The following GLIS1 variants were observed in gnomAD, a reference collection of about 807,000 sequenced individuals.
The protein encoded by GLIS1 is GLIS family zinc finger 1, also known as zinc finger protein GLIS1.
Under a neutral mutation model 63.8 loss-of-function variants are expected in GLIS1, and 24 were observed. That is an observed-to-expected ratio of 0.38 (90% CI 0.27 to 0.53). The LOEUF is 0.53. Among genes scored for constraint, GLIS1 ranks in the 20% least tolerant of loss-of-function variants. The pLI is 0.85. For missense variants in GLIS1, 1,036 were observed against 1,074.1 expected (o/e 0.96, Z 0.50); for synonymous variants, 450 against 482.5 (o/e 0.93, Z 0.88).
rs537609978 is a variant in GLIS1, at chr1:53,612,353, C to T, written c.260-12075G>A. Reference sequence around the variant, plus strand: ...CTCCCGGGTTCACACCATCCTCCTGCCTCAGCCTCCTAAGTAGCTGGGACT... The same window carrying T: ...CTCCCGGGTTCACACCATCCTCCTGTCTCAGCCTCCTAAGTAGCTGGGACT... On this transcript the variant is annotated intron_variant, in intron 2 of 10. Coordinates refer to ENST00000628545, the MANE Select transcript of GLIS1 (RefSeq NM_001367484.1). Among the ~76,000 whole-genome samples the T allele has an allele frequency of 6.5e-4, 99 of 152,176 alleles. 1 individual carries two copies. Among genetic ancestry groups the T allele is most frequent in the Admixed American group, 1.4e-3 (22 of 15,292 alleles).
At chr1:53,660,921 C>G (rs1216118580) in intron 2 of GLIS1, among the ~76,000 whole-genome samples, 1 of 152,132 alleles carries the variant, frequency 6.6e-6, no homozygotes, top group East Asian at 1.9e-4. Flanking sequence ...GCAGCCAAGA[C>G]AGGATTCACC....
chr1:53,590,158 C>T (rs1485118046), intron 4 of GLIS1, among the ~76,000 whole-genome samples: 1 of 152,244 alleles, frequency 6.6e-6, no homozygotes, highest in Non-Finnish European at 1.5e-5. Flanking sequence ...CCCTCCCTTA[C>T]ATCATCTCTT....
chr1:53,575,134 A>C (rs1411260195), intron 4 of GLIS1, among the ~76,000 whole-genome samples: 4 of 152,092 alleles, frequency 2.6e-5, no homozygotes, highest in African/African-American at 9.6e-5. Flanking sequence ...TTCTTGGAAA[A>C]ATTTCTAGAA....
chr1:53,519,142 G>C (rs1248160797), intron 7 of GLIS1, among the ~76,000 whole-genome samples: 1 of 152,182 alleles, frequency 6.6e-6, no homozygotes, highest in Non-Finnish European at 1.5e-5. Flanking sequence ...CTTCGTCCCT[G>C]GGTTGGATGA....
Position 53,539,048 on chromosome 1 carries a change from T to C in GLIS1, c.1321-9096A>G, listed in dbSNP as rs373754518. On this transcript the variant is annotated intron_variant, in intron 4 of 10. Coordinates refer to ENST00000628545, the MANE Select transcript of GLIS1 (RefSeq NM_001367484.1). This position sits in a 1 kb window ranked among gnomAD's most constrained non-coding sequence, Gnocchi z 5.0. The stretch of plus-strand genomic sequence containing the variant: ...AGCTGTGGCTAGACATCGTCTGGAA[T>C]GAGGAAAGAGGCTCTGCCAGGGGCC... 6.6e-6 allele frequency among the ~76,000 whole-genome samples: 1 copy of C among 151,964 alleles called. No homozygotes were observed. Among genetic ancestry groups the C allele is most frequent in the African/African-American group, 2.4e-5 (1 of 41,322 alleles).
At chr1:53,581,837 C>T (rs576356131) in intron 4 of GLIS1, among the ~76,000 whole-genome samples, 1 of 152,188 alleles carries the variant, frequency 6.6e-6, no homozygotes, top group South Asian at 2.1e-4. Context: ...GAGGGGCCCA[C>T]ACCTGCCCTT....
At chr1:53,637,108 C>T (rs760937946) in intron 2 of GLIS1, among the ~76,000 whole-genome samples, 1 of 152,220 alleles carries the variant, frequency 6.6e-6, no homozygotes, top group Non-Finnish European at 1.5e-5. Context: ...TAGGAGACCA[C>T]TTCCACTGCT....
chr1:53,594,680 G>T lies in GLIS1; in HGVS notation c.748C>A (p.Pro250Thr), dbSNP rs1157110590. 5 of 1,551,840 alleles carry T rather than the reference G, an allele frequency of 3.2e-6. No individual in the cohort carries two copies. The South Asian group carries it at 4.9e-5, about 15-fold the overall frequency. Residue 250 changes from proline (P) to threonine (T), a missense_variant, in exon 4 of 11, where the codon CCA (proline) becomes ACA (threonine). Coordinates refer to ENST00000628545, the MANE Select transcript of GLIS1 (RefSeq NM_001367484.1). ...CCVLGLPPTS[P>T]ASSSPCASSD... ...GAGGCACAGGGTGAGGAGGAGGCTG[G>T]GGAGGTGGGGGGTAGGCCCAAGACG...
In GLIS1 at chr1:53,639,895, C is replaced by T. The variant is rs1248675906; in HGVS notation, c.260-39617G>A. 6.6e-6 allele frequency among the ~76,000 whole-genome samples: 1 copy of T among 152,182 alleles called. No individual in the cohort carries two copies. The highest frequency in any genetic ancestry group is 1.9e-4 in the East Asian group (1 of 5,196). On this transcript the variant is annotated intron_variant, in intron 2 of 10. Transcript: ENST00000628545. This position sits in a 1 kb window ranked among gnomAD's most constrained non-coding sequence, Gnocchi z 4.6. ...AAGCTGTGGCTTTGCTGCTAATAGT[C>T]CTGGGTTCAAATCCCAAGTCTGATA...
chr1:53,737,985 G>A lies in GLIS1; in HGVS notation c.80C>T (p.Pro27Leu), dbSNP rs1646929318. 1.6e-6 allele frequency: 2 copies of A among 1,230,412 alleles called. No individual in the cohort carries two copies. The highest frequency in any genetic ancestry group is 6.3e-5 in the East Asian group (2 of 31,632). The allele number at this position is 1,230,412 out of a possible 1,614,324, so 76.2% of individuals were successfully genotyped here. ...APGAPGPDRG[P>L]ASLGAHMAFR... ...GGCCATGTGCGCGCCGAGGCTGGCG[G>A]GGCCGCGGTCGGGGCCGGGCGCACC... Residue 27 changes from proline (P) to leucine (L), a missense_variant, in exon 2 of 11, where the codon CCC becomes CTC. This residue lies in a region of GLIS1 where 592 missense variants were observed against 593.9 expected (regional missense o/e 1.00). Coordinates refer to ENST00000628545, the MANE Select transcript of GLIS1 (RefSeq NM_001367484.1).
At chr1:53,516,619 C>A (rs1295073171) in intron 7 of GLIS1, among the ~76,000 whole-genome samples, 1 of 151,984 alleles carries the variant, frequency 6.6e-6, no homozygotes, top group African/African-American at 2.4e-5. Flanking sequence ...TCGAGACCAG[C>A]CTGGCCAACA....
intron 2 of GLIS1, among the ~76,000 whole-genome samples, chr1:53,635,400 A>T (rs962022243): frequency 6.6e-6 from 1 of 152,224 alleles, no homozygotes; most frequent in Non-Finnish European, 1.5e-5. Flanking sequence ...AAATATTTTG[A>T]AATAATTAAT....
At chr1:53,643,515 C>G (rs1645809970) in intron 2 of GLIS1, among the ~76,000 whole-genome samples, 1 of 152,184 alleles carries the variant, frequency 6.6e-6, no homozygotes, top group Non-Finnish European at 1.5e-5. Context: ...GGGCCTCAGT[C>G]TCCCCACCTG....
intron 4 of GLIS1, among the ~76,000 whole-genome samples, chr1:53,570,876 G>A (rs907824808): frequency 1.3e-5 from 2 of 152,072 alleles, no homozygotes; most frequent in African/African-American, 4.8e-5. Context: ...CATTATCAGA[G>A]GATTTATCTG....
intron 2 of GLIS1, among the ~76,000 whole-genome samples, chr1:53,622,427 C>A (rs1409134118): frequency 1.7e-4 from 23 of 132,334 alleles, no homozygotes; most frequent in African/African-American, 2.7e-4. Flanking sequence ...GACTATGTCT[C>A]AAAAAAAAAA....
intron 2 of GLIS1, among the ~76,000 whole-genome samples, chr1:53,621,547 C>T (rs796089552): frequency 3.9e-5 from 6 of 152,386 alleles, no homozygotes; most frequent in African/African-American, 9.6e-5. Context: ...CAAATTACTT[C>T]GCCAAATGGC....
chr1:53,540,619 G>C (rs1476588027), intron 4 of GLIS1, among the ~76,000 whole-genome samples: 1 of 152,168 alleles, frequency 6.6e-6, no homozygotes, highest in Non-Finnish European at 1.5e-5. Context: ...GCAGGAGAGG[G>C]GTGGTGAGCA....
intron 4 of GLIS1, among the ~76,000 whole-genome samples, chr1:53,549,109 C>T (rs532758258): frequency 1.2e-4 from 19 of 152,280 alleles, no homozygotes; most frequent in South Asian, 1.0e-3. Context: ...TCACATGTGT[C>T]GATACTTCAC....
chr1:53,671,496 A>G (rs1295412077), intron 2 of GLIS1, among the ~76,000 whole-genome samples: 3 of 152,234 alleles, frequency 2.0e-5, no homozygotes, highest in Admixed American at 2.0e-4. Flanking sequence ...CCTGGAAACG[A>G]GAGGCCCATG....
Sources: allele counts gnomAD v4.1 joint callset (sites outside exome capture counted in the v4.1 genomes callset), GRCh38; gene constraint gnomAD v4.1.1; regional missense constraint gnomAD v4.1.1; non-coding constraint Gnocchi (gnomAD v3.1); transcripts MANE v1.5; gene names NCBI Gene and HGNC (gene_info 2026-07-23, HGNC 2026-07-21).